The following CCBE1 variants were observed in gnomAD, a reference collection of about 807,000 sequenced individuals.
CCBE1 encodes collagen and calcium-binding EGF domain-containing protein 1.
CCBE1 carries 37 observed loss-of-function variants against 50.0 expected under a neutral mutation model. That is an observed-to-expected ratio of 0.74 (90% CI 0.57 to 0.97). The LOEUF is 0.97. CCBE1 is among the 50% of genes least tolerant of loss of function. The pLI, the probability that CCBE1 is intolerant of heterozygous loss-of-function variation, is 0.00. For missense variants in CCBE1, 538 were observed against 523.8 expected, an observed-to-expected ratio of 1.03 and a Z score of -0.26; for synonymous variants, 234 against 203.7, an observed-to-expected ratio of 1.15 and a Z score of -1.27.
chr18:59,694,435 T>TG (rs1334883011), intron 2 of CCBE1, among the ~76,000 whole-genome samples: 1 of 33,524 alleles, frequency 3.0e-5, no homozygotes, highest in Non-Finnish European at 6.8e-5. Flanking sequence ...GCTAACTGTT[T>TG]GGTCAACTGA....
intron 2 of CCBE1, among the ~76,000 whole-genome samples, chr18:59,550,012 A>T (rs80205092): frequency 0.012 from 1,879 of 152,308 alleles, 35 homozygotes; most frequent in African/African-American, 0.043. Flanking sequence ...ACGGGCAAGG[A>T]CATTATTGGA....
chr18:59,464,197 C>T (rs540551636), intron 5 of CCBE1: 1 of 152,352 alleles, frequency 6.6e-6, no homozygotes, highest in East Asian at 1.9e-4. Context: ...CTGTGGGAGG[C>T]TCAGAGGCCG....
rs573871061 is a variant in CCBE1, at chr18:59,511,413, C to T, written c.213-31175G>A. ...ACATCACACTTTAGAACCTCTTGCT[C>T]CATCATCAGTGAACACCAGCCTTGA... On this transcript the variant is annotated intron_variant, in intron 2 of 10. Coordinates refer to ENST00000439986, the MANE Select transcript of CCBE1 (RefSeq NM_133459.4). Among the ~76,000 whole-genome samples the T allele has an allele frequency of 6.6e-5, 10 of 152,302 alleles. No individual in the cohort carries two copies. In the South Asian group the frequency reaches 2.1e-3, roughly 32 times the overall value.
At chr18:59,556,268 T>C (rs557578866) in intron 2 of CCBE1, among the ~76,000 whole-genome samples, 4 of 152,254 alleles carry the variant, frequency 2.6e-5, no homozygotes, top group South Asian at 2.1e-4. Flanking sequence ...CAGAGCCAAA[T>C]TGGAGTTGTA....
At chr18:59,502,964 G>A (rs976200672) in intron 2 of CCBE1, among the ~76,000 whole-genome samples, 26 of 152,274 alleles carry the variant, frequency 1.7e-4, no homozygotes, top group Admixed American at 3.3e-4. Context: ...ACCAACAAAC[G>A]GCAATCCACG....
intron 2 of CCBE1, among the ~76,000 whole-genome samples, chr18:59,677,606 CA>C: frequency 1.3e-5 from 2 of 151,994 alleles, no homozygotes; most frequent in Middle Eastern, 3.4e-3. Flanking sequence ...ACCCAGAATT[CA>C]ACACAGAGAA....
intron 2 of CCBE1, among the ~76,000 whole-genome samples, chr18:59,496,513 A>G (rs1356488810): frequency 6.6e-6 from 1 of 152,220 alleles, no homozygotes; most frequent in Admixed American, 6.5e-5. Context: ...TGACAGGAGC[A>G]AAGGACAGAC....
At chr18:59,491,788 C>A (rs1259895357) in intron 2 of CCBE1, among the ~76,000 whole-genome samples, 4 of 150,112 alleles carry the variant, frequency 2.7e-5, no homozygotes, top group Admixed American at 2.0e-4. Flanking sequence ...GGACTCCAAC[C>A]TGAACAGCAG....
chr18:59,510,080 A>G (rs751054504), intron 2 of CCBE1, among the ~76,000 whole-genome samples: 1 of 152,236 alleles, frequency 6.6e-6, no homozygotes, highest in Non-Finnish European at 1.5e-5. Context: ...TGGCAGATCC[A>G]AATACCGCCA....
intron 6 of CCBE1, among the ~76,000 whole-genome samples, chr18:59,454,575 G>A (rs1911091001): frequency 6.6e-6 from 1 of 152,144 alleles, no homozygotes; most frequent in African/African-American, 2.4e-5. Context: ...AGTTGCAATA[G>A]CCGTAGCTCA....
rs34847608 is a variant in CCBE1, at chr18:59,613,863, GT to G, written c.212+82765del. 9.0e-3 allele frequency among the ~76,000 whole-genome samples: 883 copies of G among 98,384 alleles called. 1 individual carries two copies. Among genetic ancestry groups the G allele is most frequent in the Non-Finnish European group, 0.01 (540 of 51,726 alleles). 64.5% of individuals were successfully genotyped at this position (98,384 alleles called of 152,430 possible). A position where few individuals can be genotyped will look rare whatever the true frequency, so the allele number is the denominator to read the frequency against. ...GCACAAAGATGTTTTTCTCTGATGGGTTTTTTTTTTTTTTTTTTTTTTTGGC... is the reference window on the plus strand; with the variant it reads ...GCACAAAGATGTTTTTCTCTGATGGGTTTTTTTTTTTTTTTTTTTTTTGGC... On this transcript the variant is annotated intron_variant, in intron 2 of 10. Transcript: ENST00000439986.
chr18:59,567,545 CT>C (rs1474675517), intron 2 of CCBE1, among the ~76,000 whole-genome samples: 1 of 152,200 alleles, frequency 6.6e-6, no homozygotes, highest in Non-Finnish European at 1.5e-5. Context: ...TGCAGTCATG[CT>C]TTTTCCTTGA....
At chr18:59,526,192 C>G (rs147782487) in intron 2 of CCBE1, among the ~76,000 whole-genome samples, 242 of 151,986 alleles carry the variant, frequency 1.6e-3, no homozygotes, top group Admixed American at 4.1e-3. Context: ...TTTCGTGTAT[C>G]TATCTCCTTC....
At chr18:59,599,798 C>T (rs1438504897) in intron 2 of CCBE1, among the ~76,000 whole-genome samples, 3 of 152,116 alleles carry the variant, frequency 2.0e-5, no homozygotes, top group East Asian at 3.9e-4. Context: ...GAGTCAGAGA[C>T]CTGACAGGCT....
intron 2 of CCBE1, among the ~76,000 whole-genome samples, chr18:59,598,037 G>A (rs2144552774): frequency 6.6e-6 from 1 of 152,330 alleles, no homozygotes; most frequent in East Asian, 1.9e-4. Context: ...AGAAAGTGTA[G>A]GGAAAATGGA....
At chr18:59,484,730 C>T (rs1486847663) in intron 2 of CCBE1, among the ~76,000 whole-genome samples, 1 of 152,208 alleles carries the variant, frequency 6.6e-6, no homozygotes, top group Non-Finnish European at 1.5e-5. Context: ...CTGACCCCAG[C>T]TGTCTGCTCA....
intron 2 of CCBE1, among the ~76,000 whole-genome samples, chr18:59,632,113 G>A (rs1342021606): frequency 2.6e-5 from 4 of 152,182 alleles, no homozygotes; most frequent in Non-Finnish European, 4.4e-5. Context: ...GGCAGAAAGG[G>A]CTGTAGGGAT....
chr18:59,508,710 G>GTTT (rs1568177680), intron 2 of CCBE1, among the ~76,000 whole-genome samples: 2 of 99,408 alleles, frequency 2.0e-5, no homozygotes, highest in African/African-American at 8.9e-5. Flanking sequence ...ATAGAGTTAC[G>GTTT]CTTTTTTTTT....
At chr18:59,448,249 T>C in intron 6 of CCBE1, 146 bp from the exon 7 acceptor site, 1 of 1,213,052 alleles carries the variant, frequency 8.2e-7, no homozygotes, top group Non-Finnish European at 1.2e-6. Flanking sequence ...AGAGAAACTA[T>C]AAAGAGCCTC....
Sources: allele counts gnomAD v4.1 joint callset (sites outside exome capture counted in the v4.1 genomes callset), GRCh38; gene constraint gnomAD v4.1.1; transcripts MANE v1.5; gene names NCBI Gene and HGNC (gene_info 2026-07-23, HGNC 2026-07-21).